ATF6B: variants seen among roughly 807,000 people sequenced by gnomAD.
The protein encoded by ATF6B is cyclic AMP-dependent transcription factor ATF-6 beta.
Under a neutral mutation model 83.5 loss-of-function variants are expected in ATF6B, and 50 were observed. The observed-to-expected ratio is 0.60, with a 90% CI of 0.48 to 0.76. ATF6B has a LOEUF of 0.76. ATF6B is among the 30% of genes least tolerant of loss of function. The pLI, the probability that ATF6B is intolerant of heterozygous loss-of-function variation, is 0.00. For synonymous variants in ATF6B, 344 were observed against 362.8 expected (o/e 0.95, Z 0.59); for missense variants, 790 against 893.8 (o/e 0.88, Z 1.48).
rs564344372 is a variant in ATF6B at position 32,117,511 on chromosome 6, C to A, written c.1532+76G>T. The A allele has an allele frequency of 3.8e-6, 6 of 1,592,782 alleles. No homozygotes were observed. In the East Asian group the frequency reaches 1.4e-4, roughly 36 times the overall value. ...GGCAGGGAGCACTGGCGCTTTAGTA[C>A]ACAGGCCAGCCAGGCTGACTGCAGA... On this transcript the variant is annotated intron_variant, in intron 13 of 17. Transcript: ENST00000375203. The surrounding 1 kb of genome is among the most constrained non-coding windows in gnomAD (Gnocchi z 5.0).
chr6:32,117,311 C>T lies in ATF6B; in HGVS notation c.1614+12G>A, dbSNP rs1160882138. On this transcript the variant is annotated intron_variant, in intron 14 of 17. Coordinates refer to ENST00000375203, the MANE Select transcript of ATF6B (RefSeq NM_004381.5). This position sits in a 1 kb window ranked among gnomAD's most constrained non-coding sequence, Gnocchi z 5.0. ...TTCAAGTGGCCTTCCTTGAACCAGCCACCCGCCCTACCTGTCTCTCCTGGG... is the reference window on the plus strand; with the variant it reads ...TTCAAGTGGCCTTCCTTGAACCAGCTACCCGCCCTACCTGTCTCTCCTGGG... 2 of 1,612,118 alleles carry T rather than the reference C, an allele frequency of 1.2e-6. No homozygotes were observed. The highest frequency in any genetic ancestry group is 1.3e-5 in the African/African-American group (1 of 74,848).
rs752283624 is a variant in ATF6B at position 32,115,625 on chromosome 6, T to C, written c.*114A>G. The C allele has an allele frequency of 4.3e-6, 4 of 929,758 alleles. No individual in the cohort carries two copies. Among genetic ancestry groups the C allele is most frequent in the Non-Finnish European group, 6.5e-6 (4 of 613,188 alleles). 57.6% of individuals were successfully genotyped at this position (929,758 alleles called of 1,614,324 possible). A position where few individuals can be genotyped will look rare whatever the true frequency, so the allele number is the denominator to read the frequency against. On this transcript the variant is annotated 3_prime_UTR_variant, in exon 18 of 18. Transcript: ENST00000375203. ...CAAATAAGTGCTTAACCCCCACACC[T>C]GCTCTTTCCTTTACCAATTGCCCCA... is the stretch of plus-strand genomic sequence containing the variant.
Position 32,125,866 on chromosome 6 carries a change from T to C in ATF6B, c.478+251A>G, listed in dbSNP as rs745401652. ...TTTTTAAAAAGTAAGTTGAATGGCA[T>C]GACAGAATACTAGGAACAAGAAAAA... is the stretch of plus-strand genomic sequence containing the variant. On this transcript the variant is annotated intron_variant, in intron 5 of 17. Coordinates refer to ENST00000375203, the MANE Select transcript of ATF6B (RefSeq NM_004381.5). This position sits in a 1 kb window ranked among gnomAD's most constrained non-coding sequence, Gnocchi z 4.1. Among the ~76,000 whole-genome samples, 1 of 152,202 alleles carries C rather than the reference T, an allele frequency of 6.6e-6. No individual in the cohort carries two copies. Among genetic ancestry groups the C allele is most frequent in the Non-Finnish European group, 1.5e-5 (1 of 68,038 alleles).
Position 32,116,980 on chromosome 6 carries a change from T to C in ATF6B, c.1685+57A>G. On this transcript the variant is annotated intron_variant, in intron 15 of 17. Coordinates refer to ENST00000375203, the MANE Select transcript of ATF6B (RefSeq NM_004381.5). This position sits in a 1 kb window ranked among gnomAD's most constrained non-coding sequence, Gnocchi z 5.1. ...ACAGGCACAGGACAGCTACTGGGGG[T>C]ACAGCTCTTGAAAGTGGAATTTCAC... The C allele has an allele frequency of 6.3e-7, 1 of 1,580,952 alleles. No homozygotes were observed. The highest frequency in any genetic ancestry group is 1.3e-5 in the African/African-American group (1 of 74,154).
At position 32,119,523 on chromosome 6, in the gene ATF6B, A is replaced by G. The variant is rs756808024; in HGVS notation, c.966+301T>C. ...CCCTAGGAGGCAGCCTCCCTCCCCA[A>G]CTATGGCCATGACCGTAGTCGTATA... On this transcript the variant is annotated intron_variant, in intron 9 of 17. Coordinates refer to ENST00000375203, the MANE Select transcript of ATF6B (RefSeq NM_004381.5). This position sits in a 1 kb window ranked among gnomAD's most constrained non-coding sequence, Gnocchi z 4.9. Among the ~76,000 whole-genome samples, 3 of 151,988 alleles carry G rather than the reference A, an allele frequency of 2.0e-5. No homozygotes were observed. Among genetic ancestry groups the G allele is most frequent in the African/African-American group, 7.3e-5 (3 of 41,338 alleles).
Position 32,117,842 on chromosome 6 carries a change from T to A in ATF6B, c.1424+17A>T. 6.7e-7 allele frequency: 1 copy of A among 1,488,740 alleles called. No individual in the cohort carries two copies. 92.2% of individuals were successfully genotyped at this position (1,488,740 alleles called of 1,614,324 possible). A position where few individuals can be genotyped will look rare whatever the true frequency, so the allele number is the denominator to read the frequency against. ...CATACCCTCAAACGAGAGGGGGCCC[T>A]CTCTCTCTCTCCTCACCTGAAACTG... On this transcript the variant is annotated intron_variant, in intron 12 of 17. Transcript: ENST00000375203. This position sits in a 1 kb window ranked among gnomAD's most constrained non-coding sequence, Gnocchi z 5.0.
At position 32,121,168 on chromosome 6, in the gene ATF6B, G is replaced by A. The variant is rs765761874; in HGVS notation, c.565-44C>T. The A allele has an allele frequency of 6.8e-6, 11 of 1,609,188 alleles. No homozygotes were observed. The African/African-American group carries it at 8.0e-5, about 12-fold the overall frequency. ...AGATACATTAGTCAGGAAGAGTGTC[G>A]AGGAGAAGGAGCTGAAGAAGGGAAA... On this transcript the variant is annotated intron_variant, in intron 6 of 17. Coordinates refer to ENST00000375203, the MANE Select transcript of ATF6B (RefSeq NM_004381.5).
At chr6:32,126,806 G>T (rs1781997697) in intron 4 of ATF6B, among the ~76,000 whole-genome samples, 1 of 152,124 alleles carries the variant, frequency 6.6e-6, no homozygotes, top group African/African-American at 2.4e-5. Context: ...GCTACAGTGA[G>T]CTGTGACCCT....
rs1781919205 is a variant in ATF6B at position 32,125,155 on chromosome 6, T to C, written c.478+962A>G. ...ACCTCTAGTGATTTCTATCCTAGAA[T>C]GACCACACCTGTATTGACTGGTACT... is the stretch of plus-strand genomic sequence containing the variant. On this transcript the variant is annotated intron_variant, in intron 5 of 17. Transcript: ENST00000375203. The surrounding 1 kb of genome is among the most constrained non-coding windows in gnomAD (Gnocchi z 4.1). 6.6e-6 allele frequency among the ~76,000 whole-genome samples: 1 copy of C among 152,268 alleles called. No homozygotes were observed. The highest frequency in any genetic ancestry group is 2.1e-4 in the South Asian group (1 of 4,822).
chr6:32,126,998 A>T (rs1782006367), intron 4 of ATF6B, 105 bp downstream of exon 4: 3 of 1,059,396 alleles, frequency 2.8e-6, no homozygotes, highest in Non-Finnish European at 3.9e-6. Flanking sequence ...ACACCTCATG[A>T]CTCATAGCAC....
intron 4 of ATF6B, among the ~76,000 whole-genome samples, chr6:32,126,765 C>T (rs1781995964): frequency 6.6e-6 from 1 of 152,068 alleles, no homozygotes; most frequent in Non-Finnish European, 1.5e-5. Flanking sequence ...GAGGCTGAGG[C>T]AGGAGGATCA....
chr6:32,116,479 C>G lies in ATF6B; in HGVS notation c.1882+1G>C. The G allele has an allele frequency of 6.2e-7, 1 of 1,609,688 alleles. No homozygotes were observed. Among genetic ancestry groups the G allele is most frequent in the Non-Finnish European group, 8.5e-7 (1 of 1,177,546 alleles). ...CCCATACCCAGCAGGGAAAGAGTTA[C>G]CATTGGGGGCCATGGCAGGCATCAC... On this transcript the variant is annotated splice_donor_variant, in intron 17 of 17. Coordinates refer to ENST00000375203, the MANE Select transcript of ATF6B (RefSeq NM_004381.5). LOFTEE classifies it high-confidence loss of function. This position sits in a 1 kb window ranked among gnomAD's most constrained non-coding sequence, Gnocchi z 5.1.
rs1014960192 is a variant in ATF6B at position 32,119,537 on chromosome 6, C to T, written c.966+287G>A. Among the ~76,000 whole-genome samples the T allele has an allele frequency of 6.6e-6, 1 of 152,118 alleles. No individual in the cohort carries two copies. Among genetic ancestry groups the T allele is most frequent in the Non-Finnish European group, 1.5e-5 (1 of 68,016 alleles). ...CTCCCTCCCCAACTATGGCCATGACCGTAGTCGTATAGTACAGTACGACTT... is the reference window on the plus strand; with the variant it reads ...CTCCCTCCCCAACTATGGCCATGACTGTAGTCGTATAGTACAGTACGACTT... On this transcript the variant is annotated intron_variant, in intron 9 of 17. Transcript: ENST00000375203. This position sits in a 1 kb window ranked among gnomAD's most constrained non-coding sequence, Gnocchi z 4.9.
In ATF6B at chr6:32,118,731, TG is replaced by T; in HGVS notation, c.1244+43del. 1 of 1,588,816 alleles carries T rather than the reference TG, an allele frequency of 6.3e-7. No individual in the cohort carries two copies. Among genetic ancestry groups the T allele is most frequent in the Non-Finnish European group, 8.6e-7 (1 of 1,157,444 alleles). On this transcript the variant is annotated intron_variant, in intron 11 of 17. Transcript: ENST00000375203. The surrounding 1 kb of genome is among the most constrained non-coding windows in gnomAD (Gnocchi z 5.2). ...AGCAGGCAGCTAGGAGGCTGTAACG[TG>T]GGCTCCACCTGGAAGGTTCTAGTGA...
Position 32,118,134 on chromosome 6 carries a change from C to G in ATF6B, c.1245-96G>C. ...CTCTGCAGATGGACTGCTTGAGTTG[C>G]AATCTGTTATACAAGCCTGAGTCTG... On this transcript the variant is annotated intron_variant, in intron 11 of 17. Transcript: ENST00000375203. This position sits in a 1 kb window ranked among gnomAD's most constrained non-coding sequence, Gnocchi z 5.2. 3 of 1,459,206 alleles carry G rather than the reference C, an allele frequency of 2.1e-6. No individual in the cohort carries two copies. The highest frequency in any genetic ancestry group is 2.8e-6 in the Non-Finnish European group (3 of 1,055,914). The allele number at this position is 1,459,206 out of a possible 1,614,324, so 90.4% of individuals were successfully genotyped here.
At chr6:32,124,263 A>T (rs1383292977) in intron 5 of ATF6B, among the ~76,000 whole-genome samples, 1 of 152,170 alleles carries the variant, frequency 6.6e-6, no homozygotes, top group Non-Finnish European at 1.5e-5. Context: ...CTGACCAGAA[A>T]GCCCCTGCTT....
intron 5 of ATF6B, among the ~76,000 whole-genome samples, chr6:32,123,696 G>C (rs1337728070): frequency 6.6e-6 from 1 of 152,024 alleles, no homozygotes; most frequent in Non-Finnish European, 1.5e-5. Flanking sequence ...CCTGCTAATG[G>C]TATTTCAATC....
rs753051091 is a variant in ATF6B at position 32,127,482 on chromosome 6, G to T, written c.210C>A (p.Ser70Arg). The T allele has an allele frequency of 1.2e-6, 2 of 1,613,442 alleles. No homozygotes were observed. Among genetic ancestry groups the T allele is most frequent in the South Asian group, 2.2e-5 (2 of 91,028 alleles). ...GGAGTTCCCATGGGGGCTCAGAGGG[G>T]CTGACATCCATCCCCACGTCCAGGG... ...GSSLDVGMDVSPSEPPWELLP... is the reference protein window; with the variant it reads ...GSSLDVGMDVRPSEPPWELLP... Residue 70 changes from serine (S) to arginine (R), a missense_variant, in exon 3 of 18, where the codon AGC (serine) becomes AGA (arginine). Physicochemically the swap from Ser to Arg is moderately radical, Grantham distance 110. Around this residue, in one of 3 missense-constraint regions of ATF6B, gnomAD observed 253 missense variants for 243.1 expected, o/e 1.04. Coordinates refer to ENST00000375203, the MANE Select transcript of ATF6B (RefSeq NM_004381.5).
Position 32,116,084 on chromosome 6 carries a change from G to T in ATF6B, c.1883-116C>A. Reference sequence around the variant, plus strand: ...GCAGAGAGAAAAAGAAAGGGCAATAGTGAGGAGGCAGATCCATAGCGGGAG... The same window carrying T: ...GCAGAGAGAAAAAGAAAGGGCAATATTGAGGAGGCAGATCCATAGCGGGAG... On this transcript the variant is annotated intron_variant, in intron 17 of 17. Transcript: ENST00000375203. The surrounding 1 kb of genome is among the most constrained non-coding windows in gnomAD (Gnocchi z 5.1). 1 of 741,146 alleles carries T rather than the reference G, an allele frequency of 1.3e-6. No homozygotes were observed. 45.9% of individuals were successfully genotyped at this position (741,146 alleles called of 1,614,324 possible).
Sources: gnomAD v4.1 joint callset for allele counts (sites outside exome capture counted in the v4.1 genomes callset) on GRCh38, gnomAD v4.1.1 for gene constraint, gnomAD v4.1.1 regional missense constraint, Gnocchi (gnomAD v3.1) non-coding constraint, MANE v1.5 for transcripts, NCBI Gene and HGNC (gene_info 2026-07-23, HGNC 2026-07-21) for gene names.